The following REV3L variants were observed in gnomAD, a reference collection of about 807,000 sequenced individuals.
The protein encoded by REV3L is REV3 like, DNA directed polymerase zeta catalytic subunit, also known as DNA polymerase zeta catalytic subunit.
In REV3L, 69 loss-of-function variants were observed where a neutral mutation model predicts 299.4. That is an observed-to-expected ratio of 0.23 (90% CI 0.19 to 0.28). The LOEUF (loss-of-function observed/expected upper bound fraction) is 0.28. Among genes scored for constraint, REV3L ranks in the 10% least tolerant of loss-of-function variants. The probability of loss-of-function intolerance (pLI) is 1.00; values close to 1 mark genes in which losing one functional copy is unlikely to be tolerated. For missense variants in REV3L, 3,128 were observed against 3,693.8 expected (o/e 0.85, Z 3.97); for synonymous variants, 1,238 against 1,271.4 (o/e 0.97, Z 0.56).
At chr6:111,385,340 A>T (rs971181024) in intron 9 of REV3L, among the ~76,000 whole-genome samples, 2 of 152,188 alleles carry the variant, frequency 1.3e-5, no homozygotes, top group African/African-American at 4.8e-5. Flanking sequence ...GTATGCCTGT[A>T]TAAAAATCTC....
At chr6:111,430,019 G>A (rs1481315771) in intron 1 of REV3L, among the ~76,000 whole-genome samples, 1 of 152,116 alleles carries the variant, frequency 6.6e-6, no homozygotes, top group East Asian at 1.9e-4. Flanking sequence ...AGTGGAAAAA[G>A]AGAAAGAAAG....
chr6:111,348,243 ATGTATGGC>A (rs1325935968), intron 20 of REV3L, among the ~76,000 whole-genome samples: 2 of 152,152 alleles, frequency 1.3e-5, no homozygotes, highest in African/African-American at 4.8e-5. Flanking sequence ...GTGAGCCACC[ATGTATGGC>A]TTTTTTACAT....
intron 31 of REV3L, among the ~76,000 whole-genome samples, chr6:111,306,815 G>T (rs1324014305): frequency 6.6e-6 from 1 of 152,216 alleles, no homozygotes; most frequent in Non-Finnish European, 1.5e-5. Context: ...AGCACTAGTA[G>T]AGCAATTGAG....
At chr6:111,392,397 C>T (rs17510676) in intron 5 of REV3L, among the ~76,000 whole-genome samples, 92 of 151,896 alleles carry the variant, frequency 6.1e-4, no homozygotes, top group African/African-American at 2.1e-3. Context: ...GAATATACTG[C>T]CTCCAAAAAA....
chr6:111,381,297 G>A (rs1348786540), intron 10 of REV3L, 28 bp downstream of exon 10: 1 of 1,607,618 alleles, frequency 6.2e-7, no homozygotes, highest in Non-Finnish European at 8.5e-7. Flanking sequence ...TTACAATACT[G>A]AATATTTATG....
At position 111,311,143 on chromosome 6, in the gene REV3L, A is replaced by G; in HGVS notation, c.8721T>C (p.Phe2907=). The part of the protein sequence containing the change: ...LLEGKASIQD[F]IFAKEYRGSF... Reference sequence around the variant, plus strand: ...TTCCTCTGTATTCCTTGGCAAAGATAAAGTCTTGTATGCTGGCCTTTCCTT... The same window carrying G: ...TTCCTCTGTATTCCTTGGCAAAGATGAAGTCTTGTATGCTGGCCTTTCCTT... The change falls in exon 29 of 32, where the codon TTT becomes TTC. Residue 2907 remains phenylalanine (F), a synonymous_variant. Coordinates refer to ENST00000368802, the MANE Select transcript of REV3L (RefSeq NM_001372078.1). The G allele has an allele frequency of 1.2e-6, 2 of 1,614,108 alleles. No homozygotes were observed. Among genetic ancestry groups the G allele is most frequent in the African/African-American group, 2.7e-5 (2 of 75,056 alleles).
chr6:111,388,398 T>C (rs1781556798), intron 7 of REV3L, among the ~76,000 whole-genome samples: 1 of 152,160 alleles, frequency 6.6e-6, no homozygotes, highest in South Asian at 2.1e-4. Context: ...ATAAAATATA[T>C]TTCTATTTTT....
At chr6:111,472,379 AG>A (rs533906990) in intron 1 of REV3L, among the ~76,000 whole-genome samples, 416 of 152,188 alleles carry the variant, frequency 2.7e-3, no homozygotes, top group Non-Finnish European at 4.9e-3. Context: ...AATAAATGGA[AG>A]AAAAATAGTA....
chr6:111,442,447 C>T (rs896094276), intron 1 of REV3L, among the ~76,000 whole-genome samples: 2 of 152,160 alleles, frequency 1.3e-5, no homozygotes, highest in South Asian at 2.1e-4. Flanking sequence ...TTTGCCTGAT[C>T]TTTAGATACG....
chr6:111,340,738 A>C (rs1375161877), intron 21 of REV3L, among the ~76,000 whole-genome samples: 2 of 152,056 alleles, frequency 1.3e-5, no homozygotes, highest in South Asian at 2.1e-4. Context: ...TATTCACTTA[A>C]ATTTAAGAAT....
chr6:111,341,822 C>T (rs1182274765), intron 21 of REV3L, among the ~76,000 whole-genome samples: 1 of 151,986 alleles, frequency 6.6e-6, no homozygotes, highest in Non-Finnish European at 1.5e-5. Flanking sequence ...CGAAAACGAA[C>T]AGGATGAAAC....
At chr6:111,419,691 T>C (rs1038846261) in intron 1 of REV3L, among the ~76,000 whole-genome samples, 7 of 152,204 alleles carry the variant, frequency 4.6e-5, no homozygotes, top group African/African-American at 1.2e-4. Flanking sequence ...TTTTTCAACA[T>C]CTAGTTAGTG....
At chr6:111,387,949 C>T (rs368324274) in intron 8 of REV3L, 36 bp from the exon 9 acceptor site, 3 of 1,608,106 alleles carry the variant, frequency 1.9e-6, no homozygotes, top group Middle Eastern at 1.6e-4. Flanking sequence ...TAACAGACTA[C>T]ATAACAAAGG....
chr6:111,368,883 C>G (rs1779486632), intron 13 of REV3L, among the ~76,000 whole-genome samples: 1 of 152,106 alleles, frequency 6.6e-6, no homozygotes, highest in Non-Finnish European at 1.5e-5. Flanking sequence ...ATGTCCCCAT[C>G]ACTCTCTATG....
At chr6:111,336,478 T>C (rs995713309) in intron 21 of REV3L, among the ~76,000 whole-genome samples, 4 of 151,930 alleles carry the variant, frequency 2.6e-5, no homozygotes, top group Admixed American at 6.6e-5. Flanking sequence ...AGAAAATGCA[T>C]GTGAAGGAAG....
intron 6 of REV3L, among the ~76,000 whole-genome samples, chr6:111,389,727 A>ATTT (rs10713895): frequency 1.6e-4 from 13 of 81,390 alleles, no homozygotes; most frequent in East Asian, 7.9e-4. Flanking sequence ...TTGGTCATTA[A>ATTT]TTTTTTTTTT....
chr6:111,394,470 A>AT (rs201183676), intron 4 of REV3L, among the ~76,000 whole-genome samples: 160 of 151,550 alleles, frequency 1.1e-3, no homozygotes, highest in African/African-American at 3.5e-3. Flanking sequence ...ATACGAAACT[A>AT]TTTTTTTTCC....
chr6:111,302,194 C>T (rs1771635368), intron 31 of REV3L, among the ~76,000 whole-genome samples: 1 of 152,174 alleles, frequency 6.6e-6, no homozygotes, highest in Admixed American at 6.5e-5. Context: ...ACATGTGCTT[C>T]AGTATGCTCC....
At chr6:111,423,092 A>G (rs998259029) in intron 1 of REV3L, among the ~76,000 whole-genome samples, 5 of 152,048 alleles carry the variant, frequency 3.3e-5, no homozygotes, top group African/African-American at 9.7e-5. Flanking sequence ...TCTCTACTCA[A>G]GTAATTTGTG....
Sources: gnomAD v4.1 joint callset for allele counts (sites outside exome capture counted in the v4.1 genomes callset) on GRCh38, gnomAD v4.1.1 for gene constraint, MANE v1.5 for transcripts, NCBI Gene and HGNC (gene_info 2026-07-23, HGNC 2026-07-21) for gene names.